FGF14: variants seen among roughly 807,000 people sequenced by gnomAD.
FGF14 encodes fibroblast growth factor 14, also known as fibroblast growth factor homologous factor 4.
FGF14 carries 5 observed loss-of-function variants against 25.5 expected under a neutral mutation model. That is an observed-to-expected ratio of 0.20 (90% CI 0.10 to 0.41). The LOEUF is 0.41. FGF14 is among the 10% of genes least tolerant of loss of function. The pLI is 1.00. For missense variants in FGF14, 222 were observed against 320.1 expected (o/e 0.69, Z 2.34); for synonymous variants, 138 against 118.3 (o/e 1.17, Z -1.08).
intron 3 of FGF14, among the ~76,000 whole-genome samples, chr13:101,863,797 T>C (rs1341425865): frequency 6.6e-6 from 1 of 152,098 alleles, no homozygotes; most frequent in Non-Finnish European, 1.5e-5. Context: ...TGTTCCACCT[T>C]GTTTTGCTAG....
intron 1 of FGF14, among the ~76,000 whole-genome samples, chr13:101,901,265 A>G (rs561518594): frequency 7.4e-4 from 113 of 152,322 alleles, no homozygotes; most frequent in Non-Finnish European, 1.4e-3. Flanking sequence ...GGATGGGAGA[A>G]GATGAACTAA....
chr13:102,401,562 T>C, exon 1 of FGF14: 1 of 1,614,148 alleles, frequency 6.2e-7, no homozygotes, highest in South Asian at 1.1e-5. Flanking sequence ...GAAACCACAT[T>C]GATTTGGGCG....
intron 1 of FGF14, among the ~76,000 whole-genome samples, chr13:102,322,671 A>G (rs1399176754): frequency 1.3e-5 from 2 of 152,314 alleles, no homozygotes; most frequent in South Asian, 4.1e-4. Flanking sequence ...TTGACTTGGC[A>G]AAAACAATGT....
At chr13:102,240,273 T>A (rs533504549) in intron 1 of FGF14, among the ~76,000 whole-genome samples, 4 of 152,256 alleles carry the variant, frequency 2.6e-5, no homozygotes, top group African/African-American at 9.6e-5. Flanking sequence ...CAAAACAGAA[T>A]ATAAAGCATA....
intron 3 of FGF14, among the ~76,000 whole-genome samples, chr13:101,771,671 A>G (rs565960628): frequency 1.3e-5 from 2 of 152,244 alleles, no homozygotes; most frequent in Non-Finnish European, 2.9e-5. Flanking sequence ...TTTCTGATCT[A>G]TGAATTCAGG....
intron 1 of FGF14, among the ~76,000 whole-genome samples, chr13:102,246,933 T>G (rs1384780175): frequency 6.6e-6 from 1 of 151,504 alleles, no homozygotes; most frequent in Non-Finnish European, 1.5e-5. Flanking sequence ...AGAAATAAGG[T>G]TGCACTCCTA....
At chr13:102,294,141 G>C (rs1336815406) in intron 1 of FGF14, 1 of 152,060 alleles carries the variant, frequency 6.6e-6, no homozygotes, top group Non-Finnish European at 1.5e-5. Flanking sequence ...TAATACAAGA[G>C]GCTTCTCTAG....
intron 1 of FGF14, among the ~76,000 whole-genome samples, chr13:102,309,819 G>A (rs2055634824): frequency 6.6e-6 from 1 of 152,054 alleles, no homozygotes; most frequent in African/African-American, 2.4e-5. Flanking sequence ...CTTCATATAT[G>A]ATGGCAGGGA....
At chr13:101,740,366 A>C (rs990769902) in intron 3 of FGF14, among the ~76,000 whole-genome samples, 13 of 152,194 alleles carry the variant, frequency 8.5e-5, no homozygotes, top group Admixed American at 7.2e-4. Context: ...CCAAAATGTG[A>C]AGCCTAAAAG....
At chr13:102,272,282 C>T (rs988236156) in intron 1 of FGF14, among the ~76,000 whole-genome samples, 1 of 152,148 alleles carries the variant, frequency 6.6e-6, no homozygotes, top group Non-Finnish European at 1.5e-5. Context: ...GAAGCTTTCC[C>T]GGACAACTCA....
intron 1 of FGF14, among the ~76,000 whole-genome samples, chr13:101,902,307 G>A (rs980055640): frequency 1.3e-5 from 2 of 151,102 alleles, no homozygotes; most frequent in Non-Finnish European, 3.0e-5. Flanking sequence ...CTTTTTTTAA[G>A]CTTCTTGGCT....
chr13:102,039,452 C>T (rs1371113524), intron 1 of FGF14, among the ~76,000 whole-genome samples: 1 of 152,040 alleles, frequency 6.6e-6, no homozygotes, highest in South Asian at 2.1e-4. Flanking sequence ...AATCAAGGGG[C>T]CAGCAGGTTG....
chr13:101,893,545 T>C (rs2030115195), intron 1 of FGF14, among the ~76,000 whole-genome samples: 1 of 152,070 alleles, frequency 6.6e-6, no homozygotes. Context: ...TCCTGGATTA[T>C]TTGGGTGTGT....
intron 1 of FGF14, among the ~76,000 whole-genome samples, chr13:102,095,310 T>C (rs956595602): frequency 6.6e-6 from 1 of 152,086 alleles, no homozygotes; most frequent in Non-Finnish European, 1.5e-5. Flanking sequence ...GATGACTTGA[T>C]GGAGACGACT....
At chr13:102,078,721 T>C (rs1291376986) in intron 1 of FGF14, among the ~76,000 whole-genome samples, 1 of 152,174 alleles carries the variant, frequency 6.6e-6, no homozygotes, top group Non-Finnish European at 1.5e-5. Flanking sequence ...AGTTAAAAGC[T>C]GGAGGAATGG....
chr13:101,743,631 CA>C (rs1450948783), intron 3 of FGF14, among the ~76,000 whole-genome samples: 1 of 152,128 alleles, frequency 6.6e-6, no homozygotes, highest in Non-Finnish European at 1.5e-5. Flanking sequence ...TTCACACTGT[CA>C]GTGATAGAAT....
At chr13:102,056,856 A>C (rs971715421) in intron 1 of FGF14, among the ~76,000 whole-genome samples, 3 of 150,250 alleles carry the variant, frequency 2.0e-5, no homozygotes, top group Non-Finnish European at 4.4e-5. Context: ...ATTTCAATAG[A>C]ATTATAACTA....
At chr13:101,888,604 A>G (rs2046113520) in intron 1 of FGF14, among the ~76,000 whole-genome samples, 1 of 150,256 alleles carries the variant, frequency 6.7e-6, no homozygotes, top group South Asian at 2.1e-4. Context: ...TTGCCTTATG[A>G]TGGAGGATAT....
At chr13:102,234,636 A>T (rs1270502845) in intron 1 of FGF14, among the ~76,000 whole-genome samples, 1 of 152,186 alleles carries the variant, frequency 6.6e-6, no homozygotes, top group African/African-American at 2.4e-5. Flanking sequence ...TTTTTCTGAA[A>T]TGTTGAGAGA....
Sources: gnomAD v4.1 joint callset for allele counts (sites outside exome capture counted in the v4.1 genomes callset) on GRCh38, gnomAD v4.1.1 for gene constraint, MANE v1.5 for transcripts, NCBI Gene and HGNC (gene_info 2026-07-23, HGNC 2026-07-21) for gene names.